Variants in AP3B1 observed in about 807,000 individuals in gnomAD.
AP3B1 encodes AP-3 complex subunit beta-1.
In AP3B1, 61 loss-of-function variants were observed where a neutral mutation model predicts 132.5. That is an observed-to-expected ratio of 0.46 (90% CI 0.37 to 0.57). The LOEUF (loss-of-function observed/expected upper bound fraction) is 0.57, where lower values mean the gene tolerates loss of function less well. Ranked by LOEUF, AP3B1 falls within the 20% of genes least tolerant of loss-of-function variation. The pLI is 0.00. For missense variants in AP3B1, 1,120 were observed against 1,289.4 expected (o/e 0.87, Z 2.01); for synonymous variants, 388 against 438.3 (o/e 0.89, Z 1.43).
rs376737882 is a variant in AP3B1 at position 78,141,185 on chromosome 5, T to C, written c.1608A>G (p.Ile536Met). 4.2e-5 allele frequency: 68 copies of C among 1,613,726 alleles called. No individual in the cohort carries two copies. The highest frequency in any genetic ancestry group is 6.7e-5 in the African/African-American group (5 of 74,922). Residue 536 changes from isoleucine (I) to methionine (M), a missense_variant, in exon 15 of 27, where the codon ATA (isoleucine) becomes ATG (methionine). Ile to Met is a conservative substitution (Grantham distance 10). This residue lies in a region of AP3B1 where 906 missense variants were observed against 997.1 expected (regional missense o/e 0.91). Transcript: ENST00000255194. Reference protein sequence around the residue: ...TSEDDLVKLQILNLGAKLYLT... With the variant: ...TSEDDLVKLQMLNLGAKLYLT... ...AATACAATTTTGCTCCCAGATTTAATATCTGCAGTTTTACCAGATCATCTT... is the reference window on the plus strand; with the variant it reads ...AATACAATTTTGCTCCCAGATTTAACATCTGCAGTTTTACCAGATCATCTT...
intron 17 of AP3B1, among the ~76,000 whole-genome samples, chr5:78,123,297 C>T (rs1286695008): frequency 1.3e-5 from 2 of 152,210 alleles, no homozygotes; most frequent in African/African-American, 4.8e-5. Flanking sequence ...GCAAGGACTT[C>T]ATGTCTAAAA....
intron 26 of AP3B1, among the ~76,000 whole-genome samples, chr5:78,011,045 T>C (rs1486561812): frequency 7.5e-5 from 11 of 146,766 alleles, no homozygotes; most frequent in Admixed American, 1.4e-4. Context: ...ATCTCTCTTT[T>C]TTTTTTTTTT....
intron 2 of AP3B1, among the ~76,000 whole-genome samples, chr5:78,250,742 T>C (rs1174238777): frequency 6.6e-6 from 1 of 152,144 alleles, no homozygotes; most frequent in Non-Finnish European, 1.5e-5. Context: ...ATCTAACTCA[T>C]ATTCTTAGTG....
rs756132998 is a variant in AP3B1 at position 78,113,925 on chromosome 5, T to TG, written c.2078-3dup. 1.9e-6 allele frequency: 3 copies of TG among 1,614,000 alleles called. No individual in the cohort carries two copies. The highest frequency in any genetic ancestry group is 1.1e-5 in the South Asian group (1 of 91,072). On this transcript the variant is annotated splice_polypyrimidine_tract_variant and splice_region_variant and intron_variant, in intron 18 of 26. Transcript: ENST00000255194. ...CACTTTCACTTCCAGATTCACTCTC[T>TG]GAAAAACAGAACCAGATGTTCTTAG...
chr5:78,114,092 A>G (rs1208044323), intron 18 of AP3B1, among the ~76,000 whole-genome samples, 169 bp from the exon 19 acceptor site: 2 of 152,190 alleles, frequency 1.3e-5, no homozygotes, highest in Non-Finnish European at 1.5e-5. Context: ...AGCTCTATGG[A>G]TTCCTTTAGC....
chr5:78,200,240 G>A (rs559187714), intron 7 of AP3B1, among the ~76,000 whole-genome samples: 1 of 152,014 alleles, frequency 6.6e-6, no homozygotes, highest in South Asian at 2.1e-4. Flanking sequence ...GCAGGGGGAG[G>A]GGGGACAAGG....
At chr5:78,246,494 AT>A (rs900521974) in intron 2 of AP3B1, among the ~76,000 whole-genome samples, 2 of 152,286 alleles carry the variant, frequency 1.3e-5, no homozygotes, top group Admixed American at 6.5e-5. Flanking sequence ...CCCTGTAGAA[AT>A]TTTTTTAATG....
intron 7 of AP3B1, among the ~76,000 whole-genome samples, chr5:78,187,946 G>A (rs1478100221): frequency 1.3e-5 from 2 of 152,162 alleles, no homozygotes; most frequent in African/African-American, 4.8e-5. Flanking sequence ...ACAACCATCT[G>A]ATCTTCAACA....
chr5:78,294,410 G>A (rs1242181571), intron 1 of AP3B1, 42 bp downstream of exon 1: 1 of 1,613,134 alleles, frequency 6.2e-7, no homozygotes, highest in Non-Finnish European at 8.5e-7. Flanking sequence ...CGAGTCCGCA[G>A]CTCCTCCCTC....
chr5:78,271,633 C>A lies in AP3B1; in HGVS notation c.129-4038G>T, dbSNP rs180894737. Among the ~76,000 whole-genome samples, 4 of 152,272 alleles carry A rather than the reference C, an allele frequency of 2.6e-5. No individual in the cohort carries two copies. The East Asian group carries it at 7.7e-4, about 29-fold the overall frequency. Reference sequence around the variant, plus strand: ...TTAATTTAAAAATCCAAGGTAAAATCTCATGAATAGTTTCAGATTATTCCT... The same window carrying A: ...TTAATTTAAAAATCCAAGGTAAAATATCATGAATAGTTTCAGATTATTCCT... On this transcript the variant is annotated intron_variant, in intron 1 of 26. Coordinates refer to ENST00000255194, the MANE Select transcript of AP3B1 (RefSeq NM_003664.5).
intron 22 of AP3B1, among the ~76,000 whole-genome samples, chr5:78,059,028 T>A (rs1460317013): frequency 6.6e-6 from 1 of 152,220 alleles, no homozygotes; most frequent in African/African-American, 2.4e-5. Context: ...CCAATGAATA[T>A]GTAACATTAT....
intron 11 of AP3B1, among the ~76,000 whole-genome samples, chr5:78,166,391 A>C (rs1252427196): frequency 6.6e-6 from 1 of 152,130 alleles, no homozygotes; most frequent in Non-Finnish European, 1.5e-5. Context: ...TTTGTCTTTT[A>C]GTAAAGTTAG....
chr5:78,208,101 A>C (rs1001418506), intron 7 of AP3B1, among the ~76,000 whole-genome samples: 1 of 151,986 alleles, frequency 6.6e-6, no homozygotes. Context: ...CAGAGAGAGA[A>C]AGAGAGAGAG....
At chr5:78,158,625 T>A (rs113515490) in intron 13 of AP3B1, among the ~76,000 whole-genome samples, 24 of 152,270 alleles carry the variant, frequency 1.6e-4, no homozygotes, top group African/African-American at 5.8e-4. Context: ...TGTATAACTT[T>A]ACCCAGAATT....
chr5:78,218,278 C>T (rs1746041485), intron 6 of AP3B1, among the ~76,000 whole-genome samples: 1 of 151,920 alleles, frequency 6.6e-6, no homozygotes, highest in African/African-American at 2.4e-5. Flanking sequence ...GATTTTAAAA[C>T]CAAAAATACT....
intron 12 of AP3B1, among the ~76,000 whole-genome samples, chr5:78,164,915 C>A (rs1200665333): frequency 6.6e-6 from 1 of 151,996 alleles, no homozygotes; most frequent in Non-Finnish European, 1.5e-5. Context: ...GTGATTAGTG[C>A]ATAGTATGTG....
At chr5:78,256,865 ATAC>A (rs1205056890) in intron 2 of AP3B1, among the ~76,000 whole-genome samples, 7 of 152,186 alleles carry the variant, frequency 4.6e-5, no homozygotes, top group Admixed American at 2.0e-4. Flanking sequence ...ATGCTTCAAC[ATAC>A]ACAAATCAAT....
chr5:78,153,944 CG>C (rs1169209035), intron 14 of AP3B1, among the ~76,000 whole-genome samples: 2 of 152,118 alleles, frequency 1.3e-5, no homozygotes, highest in Non-Finnish European at 2.9e-5. Context: ...AATCAGTTCA[CG>C]TTTTAGTCTT....
chr5:78,038,591 T>G (rs2112099075), intron 23 of AP3B1, among the ~76,000 whole-genome samples: 1 of 152,350 alleles, frequency 6.6e-6, no homozygotes, highest in South Asian at 2.1e-4. Context: ...TCCCTTCACT[T>G]TCCCATAAAT....
Sources: allele counts gnomAD v4.1 joint callset (sites outside exome capture counted in the v4.1 genomes callset), GRCh38; gene constraint gnomAD v4.1.1; regional missense constraint gnomAD v4.1.1; transcripts MANE v1.5; gene names NCBI Gene and HGNC (gene_info 2026-07-23, HGNC 2026-07-21).